Variants in KIRREL3 observed in about 807,000 individuals in gnomAD.
KIRREL3 encodes the protein kirre like nephrin family adhesion molecule 3.
A neutral mutation model predicts 89.7 loss-of-function variants in KIRREL3; 36 were observed. The observed-to-expected ratio is 0.40, with a 90% confidence interval of 0.31 to 0.53. The LOEUF (loss-of-function observed/expected upper bound fraction) is 0.53. KIRREL3 is among the 20% of genes least tolerant of loss of function. KIRREL3 has a pLI of 0.49. For synonymous variants in KIRREL3, 445 were observed against 441.4 expected (o/e 1.01, Z -0.10); for missense variants, 864 against 1,056.6 (o/e 0.82, Z 2.53).
At chr11:126,646,767 G>T (rs188832168) in intron 1 of KIRREL3, among the ~76,000 whole-genome samples, 1 of 152,080 alleles carries the variant, frequency 6.6e-6, no homozygotes, top group African/African-American at 2.4e-5. Context: ...GAGCCACTGC[G>T]CCCGGCCACC....
rs146261091 is a variant in KIRREL3, at chr11:126,669,277, C to G, written c.56-106365G>C. 2.7e-3 allele frequency among the ~76,000 whole-genome samples: 418 copies of G among 152,248 alleles called. 5 individuals carry two copies. Among genetic ancestry groups the G allele is most frequent in the Admixed American group, 0.023 (358 of 15,276 alleles). ...GGGGTCTCTAGATCTGGGATCCTGG[C>G]ACTGAGTGAAGTTTTCCTTCAGCGT... On this transcript the variant is annotated intron_variant, in intron 1 of 16. Coordinates refer to ENST00000525144, the MANE Select transcript of KIRREL3 (RefSeq NM_032531.4). The surrounding 1 kb of genome is among the most constrained non-coding windows in gnomAD (Gnocchi z 5.0).
chr11:126,712,019 A>G (rs1383370926), intron 1 of KIRREL3, among the ~76,000 whole-genome samples: 1 of 152,228 alleles, frequency 6.6e-6, no homozygotes, highest in African/African-American at 2.4e-5. Context: ...TTTCTCAGCA[A>G]GGTGGTCCGG....
rs1159219673 is a variant in KIRREL3 at position 126,463,874 on chromosome 11, C to T, written c.592-567G>A. 6.6e-6 allele frequency among the ~76,000 whole-genome samples: 1 copy of T among 152,176 alleles called. No individual in the cohort carries two copies. Among genetic ancestry groups the T allele is most frequent in the Non-Finnish European group, 1.5e-5 (1 of 68,034 alleles). ...CCTTTCAACTTTCCAAAGCGTTTCACTCCCTGATCTCATTAGAGTCTCAAT... is the reference window on the plus strand; with the variant it reads ...CCTTTCAACTTTCCAAAGCGTTTCATTCCCTGATCTCATTAGAGTCTCAAT... On this transcript the variant is annotated intron_variant, in intron 5 of 16. Coordinates refer to ENST00000525144, the MANE Select transcript of KIRREL3 (RefSeq NM_032531.4). This position sits in a 1 kb window ranked among gnomAD's most constrained non-coding sequence, Gnocchi z 5.9.
intron 1 of KIRREL3, among the ~76,000 whole-genome samples, chr11:126,901,121 G>A (rs1337997507): frequency 6.6e-6 from 1 of 151,452 alleles, no homozygotes; most frequent in African/African-American, 2.4e-5. Flanking sequence ...GGGTGAGACA[G>A]GAGAATCGCT....
intron 7 of KIRREL3, among the ~76,000 whole-genome samples, chr11:126,452,682 G>C (rs967319478): frequency 2.6e-5 from 4 of 152,196 alleles, no homozygotes; most frequent in Non-Finnish European, 5.9e-5. Flanking sequence ...TGCTGGCTCC[G>C]GGAGCCAAGG....
Position 126,755,480 on chromosome 11 carries a change from C to T in KIRREL3, c.56-192568G>A, listed in dbSNP as rs1949462020. Among the ~76,000 whole-genome samples, 1 of 152,154 alleles carries T rather than the reference C, an allele frequency of 6.6e-6. No homozygotes were observed. Among genetic ancestry groups the T allele is most frequent in the Non-Finnish European group, 1.5e-5 (1 of 68,030 alleles). On this transcript the variant is annotated intron_variant, in intron 1 of 16. Transcript: ENST00000525144. The surrounding 1 kb of genome is among the most constrained non-coding windows in gnomAD (Gnocchi z 4.3). The stretch of plus-strand genomic sequence containing the variant: ...ACTCTGATGCGAAATGAGAACCGGA[C>T]TGGATAAAGCCACCTCTTCCCATTG...
In KIRREL3 at chr11:126,642,640, G is replaced by A. The variant is rs987559303; in HGVS notation, c.56-79728C>T. 2.0e-5 allele frequency among the ~76,000 whole-genome samples: 3 copies of A among 152,194 alleles called. No homozygotes were observed. In the South Asian group the frequency reaches 6.2e-4, roughly 32 times the overall value. On this transcript the variant is annotated intron_variant, in intron 1 of 16. Coordinates refer to ENST00000525144, the MANE Select transcript of KIRREL3 (RefSeq NM_032531.4). The surrounding 1 kb of genome is among the most constrained non-coding windows in gnomAD (Gnocchi z 4.9). ...AGGAGCAAAGAAGAAGTCCCATAAA[G>A]GTCAAGAGCATCTTACAGGAAAGGA...
upstream of KIRREL3, chr11:127,002,766 T>C (rs1950336682): frequency 6.6e-6 from 1 of 152,202 alleles, no homozygotes; most frequent in Non-Finnish European, 1.5e-5. Context: ...TAATTTTGAG[T>C]GCTAATTCCT....
At chr11:126,618,633 C>T (rs2134828939) in intron 1 of KIRREL3, among the ~76,000 whole-genome samples, 1 of 152,300 alleles carries the variant, frequency 6.6e-6, no homozygotes, top group Non-Finnish European at 1.5e-5. Flanking sequence ...CAAGGTTGCG[C>T]CATGTTGGCC....
rs1053646571 is a variant in KIRREL3, at chr11:126,748,714, G to T, written c.56-185802C>A. On this transcript the variant is annotated intron_variant, in intron 1 of 16. Transcript: ENST00000525144. The surrounding 1 kb of genome is among the most constrained non-coding windows in gnomAD (Gnocchi z 4.6). ...GCTGCGTTTCGTGGTAACAAATGAG[G>T]ATTAAACCAGGCCACGTGTGCCATC... is the stretch of plus-strand genomic sequence containing the variant. Among the ~76,000 whole-genome samples the T allele has an allele frequency of 1.9e-4, 29 of 152,156 alleles. No individual in the cohort carries two copies. Among genetic ancestry groups the T allele is most frequent in the Non-Finnish European group, 3.8e-4 (26 of 68,020 alleles).
At chr11:126,657,278 A>AAATCAATCAATC (rs1409560857) in intron 1 of KIRREL3, among the ~76,000 whole-genome samples, 24 of 151,824 alleles carry the variant, frequency 1.6e-4, no homozygotes, top group African/African-American at 5.8e-4. Flanking sequence ...ATAAATAAAT[A>AAATCAATCAATC]AATCTTCATG....
chr11:126,473,441 C>G lies in KIRREL3; in HGVS notation c.459G>C (p.Leu153=). The G allele has an allele frequency of 6.4e-7, 1 of 1,569,136 alleles. No homozygotes were observed. The highest frequency in any genetic ancestry group is 8.7e-7 in the Non-Finnish European group (1 of 1,148,386). Residue 153 remains leucine, a synonymous_variant, in exon 5 of 17, where the codon CTG becomes CTC. Transcript: ENST00000525144. ...CACGCAGGCTGATCACAGGGCCCCC[C>G]AGGATGACGGGGTCATCAGGCGGCA... The part of the protein sequence containing the change: ...VLVPPDDPVI[L]GGPVISLRAG...
chr11:126,986,346 T>C (rs1949866508), intron 1 of KIRREL3, among the ~76,000 whole-genome samples: 1 of 152,164 alleles, frequency 6.6e-6, no homozygotes, highest in African/African-American at 2.4e-5. Context: ...TGTGGTTGTA[T>C]TGACCTTGAA....
Position 126,427,420 on chromosome 11 carries a change from G to GT in KIRREL3, c.1807-1697dup, listed in dbSNP as rs1396785464. ...ACAAAGTGTTTTGGGAGAGCAGAAGGTGCACAGCTCCGCCAGGGGTGGGGA... is the reference window on the plus strand; with the variant it reads ...ACAAAGTGTTTTGGGAGAGCAGAAGGTTGCACAGCTCCGCCAGGGGTGGGGA... On this transcript the variant is annotated intron_variant, in intron 15 of 16. Coordinates refer to ENST00000525144, the MANE Select transcript of KIRREL3 (RefSeq NM_032531.4). This position sits in a 1 kb window ranked among gnomAD's most constrained non-coding sequence, Gnocchi z 5.3. Among the ~76,000 whole-genome samples, 1 of 152,234 alleles carries GT rather than the reference G, an allele frequency of 6.6e-6. No individual in the cohort carries two copies. Among genetic ancestry groups the GT allele is most frequent in the African/African-American group, 2.4e-5 (1 of 41,470 alleles).
At chr11:126,500,694 C>T (rs1006248435) in intron 4 of KIRREL3, among the ~76,000 whole-genome samples, 10 of 148,512 alleles carry the variant, frequency 6.7e-5, no homozygotes, top group South Asian at 2.1e-4. Flanking sequence ...GAGCTGAGAT[C>T]GCACCACTGC....
chr11:126,457,638 C>T (rs560395205), intron 6 of KIRREL3, among the ~76,000 whole-genome samples: 5 of 151,532 alleles, frequency 3.3e-5, no homozygotes, highest in African/African-American at 9.7e-5. Flanking sequence ...AGAAAAAGGG[C>T]GAGAAAAAGA....
At position 126,987,398 on chromosome 11, in the gene KIRREL3, T is replaced by C. The variant is rs1949896480; in HGVS notation, c.55+13057A>G. ...ACAATGGCATGGATCTTAGAATATC[T>C]GTTGATAATAAGAGTGAAAGGTAGA... On this transcript the variant is annotated intron_variant, in intron 1 of 16. Coordinates refer to ENST00000525144, the MANE Select transcript of KIRREL3 (RefSeq NM_032531.4). This position sits in a 1 kb window ranked among gnomAD's most constrained non-coding sequence, Gnocchi z 4.6. 6.6e-6 allele frequency among the ~76,000 whole-genome samples: 1 copy of C among 152,248 alleles called. No homozygotes were observed. Among genetic ancestry groups the C allele is most frequent in the African/African-American group, 2.4e-5 (1 of 41,470 alleles).
In KIRREL3 at chr11:126,766,057, C is replaced by T. The variant is rs1949813944; in HGVS notation, c.56-203145G>A. Among the ~76,000 whole-genome samples, 1 of 151,858 alleles carries T rather than the reference C, an allele frequency of 6.6e-6. No individual in the cohort carries two copies. Among genetic ancestry groups the T allele is most frequent in the Non-Finnish European group, 1.5e-5 (1 of 67,962 alleles). ...ACCTCCTTGCTTTGCCGTTTACTTC[C>T]AAATTCCCATAACTCACTGCTTTTG... On this transcript the variant is annotated intron_variant, in intron 1 of 16. Coordinates refer to ENST00000525144, the MANE Select transcript of KIRREL3 (RefSeq NM_032531.4). The surrounding 1 kb of genome is among the most constrained non-coding windows in gnomAD (Gnocchi z 4.2).
chr11:126,720,063 C>T (rs1446819217), intron 1 of KIRREL3, among the ~76,000 whole-genome samples: 1 of 152,204 alleles, frequency 6.6e-6, no homozygotes, highest in East Asian at 1.9e-4. Context: ...CAGGCTCCCT[C>T]TTCAGCTTCT....
Sources: gnomAD v4.1 joint callset for allele counts (sites outside exome capture counted in the v4.1 genomes callset) on GRCh38, gnomAD v4.1.1 for gene constraint, Gnocchi (gnomAD v3.1) non-coding constraint, MANE v1.5 for transcripts, NCBI Gene and HGNC (gene_info 2026-07-23, HGNC 2026-07-21) for gene names.